PC: variants seen among roughly 807,000 people sequenced by gnomAD.
PC encodes pyruvate carboxylase, mitochondrial.
Under a neutral mutation model 107.8 loss-of-function variants are expected in PC, and 46 were observed. The ratio of observed to expected loss-of-function variants is 0.43; its 90% CI spans 0.34 to 0.55. PC has a LOEUF of 0.55. Ranked by LOEUF, PC falls within the 20% of genes least tolerant of loss-of-function variation. The probability of loss-of-function intolerance (pLI) is 0.04; values close to 1 mark genes in which losing one functional copy is unlikely to be tolerated. For synonymous variants in PC, 662 were observed against 684.7 expected, an observed-to-expected ratio of 0.97 and a Z score of 0.52; for missense variants, 1,241 against 1,643.1, an observed-to-expected ratio of 0.76 and a Z score of 4.23.
At chr11:66,864,414 G>A (rs780196462) in intron 11 of PC, among the ~76,000 whole-genome samples, 3 of 152,272 alleles carry the variant, frequency 2.0e-5, no homozygotes, top group Non-Finnish European at 2.9e-5. Flanking sequence ...CGAGGGGACG[G>A]CAGGCCGGCG....
chr11:66,935,951 T>G (rs376980677), intron 3 of PC, among the ~76,000 whole-genome samples: 12 of 152,118 alleles, frequency 7.9e-5, no homozygotes, highest in African/African-American at 2.2e-4. Flanking sequence ...TGGTGGCACA[T>G]GCCTGTAGTC....
rs1171159701 is a variant in PC at position 66,868,878 on chromosome 11, C to T, written c.990G>A (p.Gln330=). 1.9e-6 allele frequency: 3 copies of T among 1,613,838 alleles called. No individual in the cohort carries two copies. Among genetic ancestry groups the T allele is most frequent in the Admixed American group, 1.7e-5 (1 of 60,028 alleles). Residue 330 remains glutamine (Q), a synonymous_variant, in exon 10 of 23, where the codon CAG becomes CAA. Transcript: ENST00000393960. ...TCTCCTCTGTGACCGTGTGCTCCAC[C>T]TGCAGGCGGGAGTTGACCTCGATGA... is the stretch of plus-strand genomic sequence containing the variant. ...HYFIEVNSRL[Q]VEHTVTEEIT...
chr11:66,855,017 T>A (rs1021032892), intron 12 of PC, among the ~76,000 whole-genome samples: 4 of 152,274 alleles, frequency 2.6e-5, no homozygotes, highest in Non-Finnish European at 4.4e-5. Context: ...TCGGCAGAGC[T>A]GATGCTCACC....
chr11:66,928,751 C>A (rs775753205), intron 3 of PC, among the ~76,000 whole-genome samples: 5 of 151,930 alleles, frequency 3.3e-5, no homozygotes, highest in Non-Finnish European at 7.4e-5. Flanking sequence ...TCTTGAACTC[C>A]CAACCTCAAG....
intron 3 of PC, among the ~76,000 whole-genome samples, chr11:66,881,828 G>T (rs538566841): frequency 2.0e-5 from 3 of 152,182 alleles, no homozygotes; most frequent in Admixed American, 6.5e-5. Flanking sequence ...CCTGGAGCCC[G>T]CTTCATATGG....
At position 66,874,997 on chromosome 11, in the gene PC, G is replaced by C. The variant is rs1946917997; in HGVS notation, c.1-2838C>G. 2.0e-5 allele frequency among the ~76,000 whole-genome samples: 3 copies of C among 152,206 alleles called. No homozygotes were observed. In the South Asian group the frequency reaches 6.2e-4, roughly 31 times the overall value. ...AATTGTGAAGTTCTCAGGAAGAACA[G>C]GCTTGGTGCTGTCCTGAGAGAGGGA... On this transcript the variant is annotated intron_variant, in intron 3 of 22. Coordinates refer to ENST00000393960, the MANE Select transcript of PC (RefSeq NM_001040716.2).
intron 13 of PC, 196 bp from the exon 14 acceptor site, chr11:66,853,032 A>C (rs1945599098): frequency 1.4e-6 from 1 of 696,636 alleles, no homozygotes; most frequent in African/African-American, 1.8e-5. Context: ...ACGTGGATGG[A>C]AAGGTGGGGT....
At chr11:66,872,833 C>T (rs1267094921) in intron 3 of PC, among the ~76,000 whole-genome samples, 3 of 147,128 alleles carry the variant, frequency 2.0e-5, no homozygotes, top group African/African-American at 7.6e-5. Context: ...ATCAGGAGTT[C>T]GAGACCAGCC....
In PC at chr11:66,871,838, G is replaced by A. The variant is rs780682688; in HGVS notation, c.170C>T (p.Thr57Met). ...EIAIRVFRAC[T>M]ELGIRTVAIY... is the part of the protein sequence containing the mutation. ...GGCTACGGTGCGGATGCCCAGCTCC[G>A]TGCAGGCCCGGAACACACGGATGGC... is the stretch of plus-strand genomic sequence containing the variant. The change falls in exon 5 of 23, where the codon ACG becomes ATG. Residue 57 changes from threonine (T) to methionine (M), a missense_variant. Transcript: ENST00000393960. The surrounding 1 kb of genome is among the most constrained non-coding windows in gnomAD (Gnocchi z 7.4). 7.5e-6 allele frequency: 12 copies of A among 1,608,836 alleles called. No individual in the cohort carries two copies. The highest frequency in any genetic ancestry group is 1.1e-5 in the South Asian group (1 of 90,818).
chr11:66,853,311 T>C lies in PC; in HGVS notation c.1441A>G (p.Ile481Val), dbSNP rs927354261. The C allele has an allele frequency of 9.3e-6, 15 of 1,613,930 alleles. No homozygotes were observed. The highest frequency in any genetic ancestry group is 1.3e-5 in the African/African-American group (1 of 74,860). ...TGGAACAGCTCTGGGTTCTCGTCGA[T>C]GAACTGGGTGTCCACAGTGCCTGCC... ...FLAGTVDTQF[I>V]DENPELFQLR... The change falls in exon 13 of 23, where the codon ATC (isoleucine) becomes GTC (valine). Residue 481 changes from isoleucine (I) to valine (V), a missense_variant. This residue lies in a region of PC where 1,143 missense variants were observed against 1,551.9 expected (regional missense o/e 0.74). Coordinates refer to ENST00000393960, the MANE Select transcript of PC (RefSeq NM_001040716.2).
chr11:66,887,673 G>A (rs1947422534), intron 3 of PC, among the ~76,000 whole-genome samples: 1 of 152,240 alleles, frequency 6.6e-6, no homozygotes, highest in South Asian at 2.1e-4. Context: ...AGACGAGAGA[G>A]CCAGGGGCAG....
intron 3 of PC, among the ~76,000 whole-genome samples, chr11:66,942,886 G>A (rs1347460129): frequency 6.6e-6 from 1 of 151,766 alleles, no homozygotes; most frequent in Non-Finnish European, 1.5e-5. Flanking sequence ...TCTGGTGGCG[G>A]GCGTCTGTAG....
intron 3 of PC, among the ~76,000 whole-genome samples, chr11:66,882,700 A>G (rs1947225774): frequency 6.6e-6 from 1 of 152,256 alleles, no homozygotes; most frequent in African/African-American, 2.4e-5. Flanking sequence ...GGTCAGAACC[A>G]GAAAGAAAGA....
intron 3 of PC, among the ~76,000 whole-genome samples, chr11:66,951,884 G>A (rs908529356): frequency 1.3e-5 from 2 of 148,648 alleles, no homozygotes; most frequent in African/African-American, 2.5e-5. Context: ...GCAAGACTCC[G>A]TCTCAAAAAA....
Position 66,849,145 on chromosome 11 carries a change from C to A in PC, c.3291G>T (p.Glu1097Asp), listed in dbSNP as rs1204524033. ...TTAGGGCCTTGGGGTGGAAGTGCAT[C>A]TCCTGAAGACACAGGGCAGAGGGGA... ...ILVKDTQAMK[E>D]MHFHPKALKD... Residue 1097 changes from glutamate to aspartate, a missense_variant and splice_region_variant, in exon 23 of 23, where the codon GAG becomes GAT. By Grantham distance (45) the Glu-to-Asp change is conservative (BLOSUM62 2). This residue lies in a region of PC where 1,143 missense variants were observed against 1,551.9 expected (regional missense o/e 0.74). Transcript: ENST00000393960. 6.2e-7 allele frequency: 1 copy of A among 1,613,938 alleles called. No individual in the cohort carries two copies. Among genetic ancestry groups the A allele is most frequent in the East Asian group, 2.2e-5 (1 of 44,870 alleles).
chr11:66,854,700 G>A (rs1021170186), intron 12 of PC, among the ~76,000 whole-genome samples: 4 of 152,088 alleles, frequency 2.6e-5, no homozygotes, highest in Admixed American at 1.3e-4. Flanking sequence ...CTTCAACAGG[G>A]ACTCAAGGCC....
chr11:66,851,901 C>T lies in PC; in HGVS notation c.1871G>A (p.Trp624Ter). The T allele has an allele frequency of 1.2e-6, 2 of 1,614,104 alleles. No homozygotes were observed. Among genetic ancestry groups the T allele is most frequent in the Non-Finnish European group, 1.7e-6 (2 of 1,180,028 alleles). Residue 624 changes from tryptophan to a stop codon, truncating the protein, a stop_gained, in exon 16 of 23, where the codon TGG becomes TAG. Transcript: ENST00000393960. LOFTEE classifies it high-confidence loss of function. ...VAMRFLYECPWRRLQELRELI... is the reference protein window; with the variant it reads ...VAMRFLYECP Reference sequence around the variant, plus strand: ...CTCCCGGAGCTCCTGCAGCCGCCGCCAGGGGCACTCATACAGGAAGCGCAT... The same window carrying T: ...CTCCCGGAGCTCCTGCAGCCGCCGCTAGGGGCACTCATACAGGAAGCGCAT...
At chr11:66,873,345 T>A (rs1284794066) in intron 3 of PC, among the ~76,000 whole-genome samples, 58 of 116,720 alleles carry the variant, frequency 5.0e-4, no homozygotes, top group South Asian at 9.3e-4. Flanking sequence ...CTTTAAAAAA[T>A]ATATATATAT....
intron 3 of PC, among the ~76,000 whole-genome samples, chr11:66,897,013 C>T (rs917241739): frequency 3.3e-5 from 5 of 152,114 alleles, no homozygotes; most frequent in Non-Finnish European, 7.3e-5. Flanking sequence ...CTCACTGCAA[C>T]CTCTGCCCCC....
Sources: allele counts gnomAD v4.1 joint callset (sites outside exome capture counted in the v4.1 genomes callset), GRCh38; gene constraint gnomAD v4.1.1; regional missense constraint gnomAD v4.1.1; non-coding constraint Gnocchi (gnomAD v3.1); transcripts MANE v1.5; gene names NCBI Gene and HGNC (gene_info 2026-07-23, HGNC 2026-07-21).